ZNF334: variants seen among roughly 807,000 people sequenced by gnomAD.
ZNF334 encodes zinc finger protein 334.
ZNF334 carries 14 observed loss-of-function variants against 12.4 expected under a neutral mutation model. That is an observed-to-expected ratio of 1.13 (90% confidence interval 0.74 to 1.76). ZNF334 has a LOEUF of 1.76. Among genes scored for constraint, ZNF334 ranks in the 40% most tolerant of loss-of-function variants. The pLI, the probability that ZNF334 is intolerant of heterozygous loss-of-function variation, is 0.00. For missense variants in ZNF334, 797 were observed against 804.5 expected (o/e 0.99, Z 0.11); for synonymous variants, 273 against 269.6 (o/e 1.01, Z -0.12).
chr20:46,505,531 T>G (rs2145970599), intron 2 of ZNF334: 1 of 153,886 alleles, frequency 6.5e-6, no homozygotes, highest in Non-Finnish European at 1.5e-5. Context: ...TGGAGATCAC[T>G]GTTATAAATA....
chr20:46,488,240 ATTTT>A, the ZNF334 span, among the ~76,000 whole-genome samples: 1 of 137,678 alleles, frequency 7.3e-6, no homozygotes. Context: ...TTTTGGATTG[ATTTT>A]TTTTTTTTAG....
the ZNF334 span, among the ~76,000 whole-genome samples, chr20:46,487,134 T>G: frequency 6.6e-6 from 1 of 152,206 alleles, no homozygotes; most frequent in South Asian, 2.1e-4. Flanking sequence ...CATAGCATGT[T>G]TGACTTACAG....
rs2061173938 is a variant in ZNF334 at position 46,501,648 on chromosome 20, C to T, written c.1691G>A (p.Arg564Lys). ...CRKSALTHHQ[R>K]THTGQRPYEC... Reference sequence around the variant, plus strand: ...ATAGGGTCTCTGTCCTGTGTGTGTTCTCTGATGGTGAGTCAGGGCTGACTT... The same window carrying T: ...ATAGGGTCTCTGTCCTGTGTGTGTTTTCTGATGGTGAGTCAGGGCTGACTT... Residue 564 changes from arginine (R) to lysine (K), a missense_variant, in exon 5 of 5, where the codon AGA becomes AAA. Coordinates refer to ENST00000692313, the MANE Select transcript of ZNF334 (RefSeq NM_001353824.2). The T allele has an allele frequency of 6.2e-7, 1 of 1,614,036 alleles. No homozygotes were observed. Among genetic ancestry groups the T allele is most frequent in the African/African-American group, 1.3e-5 (1 of 74,914 alleles).
chr20:46,506,208 C>G (rs1445091563), intron 2 of ZNF334: 2 of 420,694 alleles, frequency 4.8e-6, no homozygotes, highest in Non-Finnish European at 8.5e-6. Flanking sequence ...CCACAGTGAT[C>G]AGAAGCAATA....
At chr20:46,464,437 C>G in the ZNF334 span, 1 of 514,482 alleles carries the variant, frequency 1.9e-6, no homozygotes, top group South Asian at 1.5e-5. Context: ...CAAAGCCACG[C>G]TCACTGGGGC....
chr20:46,508,549 G>T (rs889849507), intron 2 of ZNF334, among the ~76,000 whole-genome samples: 13 of 152,200 alleles, frequency 8.5e-5, no homozygotes, highest in African/African-American at 2.4e-4. Flanking sequence ...TAAAATTTGG[G>T]GCATGTTCAG....
At chr20:46,466,974 T>C in the ZNF334 span, among the ~76,000 whole-genome samples, 2 of 152,228 alleles carry the variant, frequency 1.3e-5, no homozygotes, top group Admixed American at 1.3e-4. Context: ...GAGCATGCAC[T>C]TTAATAGACT....
chr20:46,490,129 A>AT, the ZNF334 span, among the ~76,000 whole-genome samples: 2 of 152,186 alleles, frequency 1.3e-5, no homozygotes, highest in African/African-American at 4.8e-5. Context: ...TTCATGCAAT[A>AT]TAAGAACTTC....
At chr20:46,464,470 C>T in the ZNF334 span, 4 of 518,860 alleles carry the variant, frequency 7.7e-6, no homozygotes, top group South Asian at 6.0e-5. Flanking sequence ...AGACCACCTC[C>T]ATGCAGATCC....
At chr20:46,467,160 T>C in the ZNF334 span, among the ~76,000 whole-genome samples, 3 of 152,200 alleles carry the variant, frequency 2.0e-5, no homozygotes, top group African/African-American at 7.2e-5. Flanking sequence ...TTAAAAATTA[T>C]AATGCAGGTG....
chr20:46,506,481 T>C, intron 2 of ZNF334: 1 of 400,978 alleles, frequency 2.5e-6, no homozygotes, highest in Non-Finnish European at 4.4e-6. Flanking sequence ...AAAAAAAAAT[T>C]AGCCAGGCAT....
intron 2 of ZNF334, among the ~76,000 whole-genome samples, chr20:46,511,511 G>A (rs2061649908): frequency 6.6e-6 from 1 of 152,240 alleles, no homozygotes; most frequent in South Asian, 2.1e-4. Context: ...TTTACCTACA[G>A]AATATAATAT....
At chr20:46,504,976 C>CAT in intron 2 of ZNF334, 1 of 386,688 alleles carries the variant, frequency 2.6e-6, no homozygotes, top group East Asian at 4.0e-5. Context: ...TTACTAATCA[C>CAT]ATAAAATACT....
At chr20:46,508,368 G>A (rs1261084238) in intron 2 of ZNF334, among the ~76,000 whole-genome samples, 4 of 152,204 alleles carry the variant, frequency 2.6e-5, no homozygotes, top group African/African-American at 4.8e-5. Context: ...TACATGTAAT[G>A]CAAAGAAGAG....
At chr20:46,468,578 C>T in the ZNF334 span, among the ~76,000 whole-genome samples, 1 of 152,140 alleles carries the variant, frequency 6.6e-6, no homozygotes, top group Non-Finnish European at 1.5e-5. Flanking sequence ...AGCTACACCC[C>T]CGGGCCTATA....
At chr20:46,505,740 C>G (rs1430889971) in intron 2 of ZNF334, 3 of 153,738 alleles carry the variant, frequency 2.0e-5, no homozygotes, top group Admixed American at 1.3e-4. Context: ...ACAGCTGTGC[C>G]AAGGAAATCC....
At position 46,502,144 on chromosome 20, in the gene ZNF334, G is replaced by C. The variant is rs1341293925; in HGVS notation, c.1195C>G (p.His399Asp). ...QSALTAHQRI[H>D]TGEKPYECSE... Reference sequence around the variant, plus strand: ...CATTCATAGGGTTTTTCCCCTGTGTGAATTCTCTGATGCGCAGTAAGGGCT... The same window carrying C: ...CATTCATAGGGTTTTTCCCCTGTGTCAATTCTCTGATGCGCAGTAAGGGCT... Residue 399 changes from histidine (H) to aspartate (D), a missense_variant, in exon 5 of 5, where the codon CAC (histidine) becomes GAC (aspartate). Transcript: ENST00000692313. 6.2e-7 allele frequency: 1 copy of C among 1,614,132 alleles called. No individual in the cohort carries two copies. Among genetic ancestry groups the C allele is most frequent in the South Asian group, 1.1e-5 (1 of 91,076 alleles).
the ZNF334 span, among the ~76,000 whole-genome samples, chr20:46,493,149 T>C: frequency 6.6e-6 from 1 of 152,118 alleles, no homozygotes; most frequent in African/African-American, 2.4e-5. Flanking sequence ...ATAAGGCATT[T>C]CCTGTGGTAA....
the ZNF334 span, among the ~76,000 whole-genome samples, chr20:46,470,327 T>C: frequency 3.3e-5 from 5 of 152,300 alleles, no homozygotes; most frequent in African/African-American, 1.2e-4. Flanking sequence ...GCCCTTCAAG[T>C]GAAGCAAGCA....
Sources: gnomAD v4.1 joint callset for allele counts (sites outside exome capture counted in the v4.1 genomes callset) on GRCh38, gnomAD v4.1.1 for gene constraint, MANE v1.5 for transcripts, NCBI Gene and HGNC (gene_info 2026-07-23, HGNC 2026-07-21) for gene names.